Variants in XRN1 observed in about 807,000 individuals in gnomAD.
The protein encoded by XRN1 is strand-exchange protein 1 homolog.
XRN1 carries 67 observed loss-of-function variants against 222.3 expected under a neutral mutation model. The observed-to-expected ratio is 0.30, with a 90% CI of 0.25 to 0.37. The LOEUF (loss-of-function observed/expected upper bound fraction) is 0.37. Among genes scored for constraint, XRN1 ranks in the 10% least tolerant of loss-of-function variants. The probability of loss-of-function intolerance (pLI) is 1.00; values close to 1 mark genes in which losing one functional copy is unlikely to be tolerated. For synonymous variants in XRN1, 643 were observed against 652.4 expected, an observed-to-expected ratio of 0.99 and a Z score of 0.22; for missense variants, 1,707 against 2,000.2, an observed-to-expected ratio of 0.85 and a Z score of 2.80.
chr3:142,443,515 G>T (rs958439813), intron 1 of XRN1, among the ~76,000 whole-genome samples: 1 of 152,172 alleles, frequency 6.6e-6, no homozygotes, highest in South Asian at 2.1e-4. Context: ...TCTACTGCCT[G>T]ACAGCACAGT....
intron 14 of XRN1, among the ~76,000 whole-genome samples, chr3:142,413,197 A>G (rs1428521478): frequency 6.6e-6 from 1 of 152,252 alleles, no homozygotes; most frequent in African/African-American, 2.4e-5. Context: ...CTATGACTTT[A>G]TAACGGAGGT....
intron 19 of XRN1, among the ~76,000 whole-genome samples, 191 bp downstream of exon 19, chr3:142,400,253 C>T (rs927334339): frequency 2.0e-5 from 3 of 152,132 alleles, no homozygotes; most frequent in Non-Finnish European, 2.9e-5. Context: ...TCTAAAATAT[C>T]TCAAGAGAGG....
intron 37 of XRN1, among the ~76,000 whole-genome samples, chr3:142,322,543 G>A (rs911385115): frequency 3.9e-5 from 6 of 151,906 alleles, no homozygotes; most frequent in East Asian, 1.9e-4. Flanking sequence ...AAAATTAGCC[G>A]GGTGGGGTTG....
Position 142,393,656 on chromosome 3 carries a change from T to C in XRN1, c.2339+3673A>G, listed in dbSNP as rs1489843892. On this transcript the variant is annotated intron_variant, in intron 20 of 40. Transcript: ENST00000392981. ...GTTGTAGATATGCGTAAGCCAGCAA[T>C]TTCTATGGCTATGACTTGGTTTTTG... Among the ~76,000 whole-genome samples, 3 of 152,208 alleles carry C rather than the reference T, an allele frequency of 2.0e-5. No homozygotes were observed. The East Asian group carries it at 5.8e-4, about 29-fold the overall frequency.
chr3:142,407,049 C>T (rs2068369587), intron 15 of XRN1, among the ~76,000 whole-genome samples: 1 of 152,200 alleles, frequency 6.6e-6, no homozygotes, highest in South Asian at 2.1e-4. Flanking sequence ...TTGCTTATAA[C>T]AGCAAGTTTA....
In XRN1 at chr3:142,418,464, T is replaced by C. The variant is rs368006608; in HGVS notation, c.1346+40A>G. The C allele has an allele frequency of 1.6e-5, 24 of 1,485,170 alleles. No individual in the cohort carries two copies. The highest frequency in any genetic ancestry group is 1.1e-4 in the East Asian group (5 of 43,872). 92.0% of individuals were successfully genotyped at this position (1,485,170 alleles called of 1,614,324 possible). A position where few individuals can be genotyped will look rare whatever the true frequency, so the allele number is the denominator to read the frequency against. ...TTTTCTGAATAACTGCAAAATCTAATTTTTTCTATTTTAAAATAAAAGCAT... is the reference window on the plus strand; with the variant it reads ...TTTTCTGAATAACTGCAAAATCTAACTTTTTCTATTTTAAAATAAAAGCAT... On this transcript the variant is annotated intron_variant, in intron 12 of 40. Transcript: ENST00000392981.
intron 14 of XRN1, among the ~76,000 whole-genome samples, chr3:142,413,356 C>T (rs1280092792): frequency 6.6e-6 from 1 of 152,006 alleles, no homozygotes; most frequent in African/African-American, 2.4e-5. Flanking sequence ...GGTATTAAAG[C>T]GTATTGTATC....
intron 27 of XRN1, among the ~76,000 whole-genome samples, chr3:142,367,224 T>C (rs2066844692): frequency 1.3e-5 from 2 of 151,928 alleles, no homozygotes; most frequent in South Asian, 4.2e-4. Context: ...GAGGCAGAGG[T>C]TGCAGTGAGT....
intron 16 of XRN1, 88 bp from the exon 17 acceptor site, chr3:142,404,077 AGT>A: frequency 8.7e-7 from 1 of 1,142,882 alleles, no homozygotes; most frequent in African/African-American, 1.6e-5. Flanking sequence ...ATTTCGTAAG[AGT>A]CATCCTTGCT....
intron 1 of XRN1, among the ~76,000 whole-genome samples, chr3:142,441,158 A>C (rs1005891695): frequency 2.0e-5 from 3 of 152,228 alleles, no homozygotes; most frequent in African/African-American, 7.2e-5. Context: ...CAGGGCCCTC[A>C]GTGGGGAATG....
chr3:142,404,438 G>C (rs925086374), intron 16 of XRN1, among the ~76,000 whole-genome samples: 3 of 98,178 alleles, frequency 3.1e-5, no homozygotes, highest in African/African-American at 1.8e-4. Flanking sequence ...GGGAAGGTGA[G>C]AGAAGAGAAA....
In XRN1 at chr3:142,308,484, T is replaced by A. The variant is rs904921575; in HGVS notation, c.*3027A>T. The A allele has an allele frequency of 1.3e-5, 2 of 152,090 alleles. No individual in the cohort carries two copies. The highest frequency in any genetic ancestry group is 4.8e-5 in the African/African-American group (2 of 41,402). 9.4% of individuals were successfully genotyped at this position (152,090 alleles called of 1,614,324 possible). A position where few individuals can be genotyped will look rare whatever the true frequency, so the allele number is the denominator to read the frequency against. On this transcript the variant is annotated 3_prime_UTR_variant, in exon 41 of 41. Transcript: ENST00000392981. ...TTACCCCTTTGAAAAGCAAGAAAAATCTTAAATTGAAACCAAGGTTCAGTA... is the reference window on the plus strand; with the variant it reads ...TTACCCCTTTGAAAAGCAAGAAAAAACTTAAATTGAAACCAAGGTTCAGTA...
chr3:142,372,017 C>A (rs1254623283), intron 25 of XRN1, among the ~76,000 whole-genome samples: 1 of 152,148 alleles, frequency 6.6e-6, no homozygotes, highest in African/African-American at 2.4e-5. Flanking sequence ...ATTTAAAACA[C>A]AGAACACTCT....
intron 23 of XRN1, among the ~76,000 whole-genome samples, chr3:142,379,140 G>A (rs979423122): frequency 2.6e-5 from 4 of 151,984 alleles, no homozygotes; most frequent in African/African-American, 7.2e-5. Context: ...GCATGGTGGT[G>A]GGTGCCTGTA....
At chr3:142,423,950 C>A (rs1486965441) in intron 5 of XRN1, among the ~76,000 whole-genome samples, 1 of 151,908 alleles carries the variant, frequency 6.6e-6, no homozygotes, top group African/African-American at 2.4e-5. Context: ...TTCTACTTGC[C>A]GTGGGGGAAC....
chr3:142,319,655 C>A (rs1015852264), intron 37 of XRN1, among the ~76,000 whole-genome samples: 1 of 152,014 alleles, frequency 6.6e-6, no homozygotes, highest in African/African-American at 2.4e-5. Flanking sequence ...CATTTCTCAT[C>A]CCTCACATCC....
intron 37 of XRN1, among the ~76,000 whole-genome samples, chr3:142,325,454 A>G (rs1338142527): frequency 1.3e-5 from 2 of 152,052 alleles, no homozygotes; most frequent in African/African-American, 4.8e-5. Flanking sequence ...TGTTTGACAC[A>G]TGGGGGTATA....
At chr3:142,314,866 C>T (rs375605070) in intron 39 of XRN1, among the ~76,000 whole-genome samples, 9 of 126,840 alleles carry the variant, frequency 7.1e-5, no homozygotes, top group African/African-American at 2.5e-4. Flanking sequence ...GATCATGCCA[C>T]TGCACTCCAG....
chr3:142,409,900 G>C (rs1256132120), intron 15 of XRN1, among the ~76,000 whole-genome samples: 1 of 152,122 alleles, frequency 6.6e-6, no homozygotes, highest in African/African-American at 2.4e-5. Context: ...ATTTTAAGCA[G>C]AATCTTTAAG....
Sources: allele counts gnomAD v4.1 joint callset (sites outside exome capture counted in the v4.1 genomes callset), GRCh38; gene constraint gnomAD v4.1.1; transcripts MANE v1.5; gene names NCBI Gene and HGNC (gene_info 2026-07-23, HGNC 2026-07-21).